CERT1: variants seen among roughly 807,000 people sequenced by gnomAD.
CERT1 encodes the protein ceramide transfer protein.
In CERT1, 31 loss-of-function variants were observed where a neutral mutation model predicts 87.9. The observed-to-expected ratio is 0.35, with a 90% CI of 0.27 to 0.48. The LOEUF is 0.48. Among genes scored for constraint, CERT1 ranks in the 20% least tolerant of loss-of-function variants. CERT1 has a pLI of 0.99. For synonymous variants in CERT1, 289 were observed against 250.9 expected (o/e 1.15, Z -1.44); for missense variants, 487 against 758.0 (o/e 0.64, Z 4.20).
chr5:75,403,487 CAG>C (rs1224493935), intron 8 of CERT1, among the ~76,000 whole-genome samples: 2 of 152,190 alleles, frequency 1.3e-5, no homozygotes, highest in East Asian at 3.8e-4. Context: ...TACTGGAAAA[CAG>C]TGATGCTCAT....
intron 8 of CERT1, 158 bp downstream of exon 8, chr5:75,410,853 C>T: frequency 2.3e-6 from 1 of 431,456 alleles, no homozygotes; most frequent in Middle Eastern, 6.1e-4. Flanking sequence ...GCATGCCTGG[C>T]ATTTATATAT....
chr5:75,399,675 C>T (rs1762388637), intron 10 of CERT1, among the ~76,000 whole-genome samples: 1 of 152,138 alleles, frequency 6.6e-6, no homozygotes, highest in African/African-American at 2.4e-5. Flanking sequence ...TTGGACTAGC[C>T]ACTCCTTATT....
intron 2 of CERT1, among the ~76,000 whole-genome samples, chr5:75,495,334 A>T (rs2112440905): frequency 6.6e-6 from 1 of 152,264 alleles, no homozygotes; most frequent in Middle Eastern, 3.4e-3. Flanking sequence ...AGGCAGGCAA[A>T]TTGCTTGAGT....
chr5:75,398,511 C>A (rs1762345071), intron 11 of CERT1, among the ~76,000 whole-genome samples: 1 of 152,016 alleles, frequency 6.6e-6, no homozygotes, highest in African/African-American at 2.4e-5. Context: ...GTGCTCAGGT[C>A]TTTAATATAA....
intron 3 of CERT1, among the ~76,000 whole-genome samples, chr5:75,457,141 G>A (rs1266065114): frequency 6.6e-6 from 1 of 152,144 alleles, no homozygotes; most frequent in African/African-American, 2.4e-5. Context: ...CTCCTTATAT[G>A]CACATTTAGC....
At chr5:75,433,054 ATG>A (rs1332146361) in intron 3 of CERT1, among the ~76,000 whole-genome samples, 2 of 152,132 alleles carry the variant, frequency 1.3e-5, no homozygotes, top group African/African-American at 4.8e-5. Context: ...TCCACTGGTC[ATG>A]TGTCTGTTTT....
At chr5:75,450,803 C>A (rs1465535261) in intron 3 of CERT1, among the ~76,000 whole-genome samples, 2 of 152,190 alleles carry the variant, frequency 1.3e-5, no homozygotes, top group Non-Finnish European at 2.9e-5. Flanking sequence ...CCCACCCCTT[C>A]CAAGTTTTCT....
intron 12 of CERT1, among the ~76,000 whole-genome samples, chr5:75,388,619 T>TATATATATATATATATATCTCATGCATGC (rs1761905358): frequency 1.9e-5 from 2 of 102,666 alleles, no homozygotes; most frequent in African/African-American, 3.3e-5. Context: ...TATATATATA[T>TATATATATATATATATATCTCATGCATGC]ATATATATAT....
chr5:75,453,168 A>C (rs1764830880), intron 3 of CERT1, among the ~76,000 whole-genome samples: 1 of 152,312 alleles, frequency 6.6e-6, no homozygotes, highest in African/African-American at 2.4e-5. Flanking sequence ...GGAGGGCAAA[A>C]ACAGTAAAGC....
At chr5:75,428,652 T>C (rs375640670) in intron 3 of CERT1, among the ~76,000 whole-genome samples, 1 of 148,568 alleles carries the variant, frequency 6.7e-6, no homozygotes, top group South Asian at 2.1e-4. Flanking sequence ...CAGTCTGACA[T>C]GGGTGAAAGA....
chr5:75,419,812 G>A (rs1488888791), intron 5 of CERT1, among the ~76,000 whole-genome samples: 2 of 152,090 alleles, frequency 1.3e-5, no homozygotes, highest in Non-Finnish European at 2.9e-5. Context: ...TCTCATTTGT[G>A]TAAGGGAAGG....
chr5:75,420,468 C>A (rs531527545), intron 5 of CERT1, among the ~76,000 whole-genome samples: 1 of 151,650 alleles, frequency 6.6e-6, no homozygotes, highest in African/African-American at 2.4e-5. Context: ...CTCAGCCTCC[C>A]GAGTAGCTGG....
At chr5:75,490,521 C>CAA (rs970381707) in intron 2 of CERT1, among the ~76,000 whole-genome samples, 6 of 151,206 alleles carry the variant, frequency 4.0e-5, no homozygotes, top group Admixed American at 3.9e-4. Context: ...TTTTTTGAGA[C>CAA]AGAGTCTCGC....
At chr5:75,416,754 T>A (rs571329414) in intron 7 of CERT1, 122 bp downstream of exon 7, 1 of 762,252 alleles carries the variant, frequency 1.3e-6, no homozygotes, top group African/African-American at 1.8e-5. Flanking sequence ...AGAGTAGTAG[T>A]ATCATCTGCT....
intron 11 of CERT1, among the ~76,000 whole-genome samples, chr5:75,390,017 T>TAA (rs1761966122): frequency 6.6e-6 from 1 of 152,134 alleles, no homozygotes; most frequent in African/African-American, 2.4e-5. Flanking sequence ...GATGATGTGT[T>TAA]AAAGTATAAA....
At chr5:75,415,393 A>T (rs958199286) in intron 7 of CERT1, among the ~76,000 whole-genome samples, 1 of 152,212 alleles carries the variant, frequency 6.6e-6, no homozygotes, top group Admixed American at 6.5e-5. Flanking sequence ...GAGAAGCAAC[A>T]AAAGTGGTTT....
chr5:75,485,726 A>G (rs923816883), intron 2 of CERT1, among the ~76,000 whole-genome samples: 5 of 152,078 alleles, frequency 3.3e-5, no homozygotes, highest in African/African-American at 1.2e-4. Flanking sequence ...AGGCTACTAT[A>G]AGCAACTATA....
intron 3 of CERT1, among the ~76,000 whole-genome samples, chr5:75,451,503 C>A (rs893701479): frequency 3.1e-4 from 47 of 152,282 alleles, no homozygotes; most frequent in African/African-American, 1.1e-3. Context: ...TTGGTTCTAA[C>A]ACACTCATGA....
intron 5 of CERT1, among the ~76,000 whole-genome samples, chr5:75,421,081 T>C (rs1204124726): frequency 6.6e-6 from 1 of 152,198 alleles, no homozygotes; most frequent in African/African-American, 2.4e-5. Flanking sequence ...AATGCTGGGA[T>C]TACAGGTGTA....
Sources: gnomAD v4.1 joint callset for allele counts (sites outside exome capture counted in the v4.1 genomes callset) on GRCh38, gnomAD v4.1.1 for gene constraint, MANE v1.5 for transcripts, NCBI Gene and HGNC (gene_info 2026-07-23, HGNC 2026-07-21) for gene names.